EYS: variants seen among roughly 807,000 people sequenced by gnomAD.
The protein encoded by EYS is protein eyes shut homolog.
A neutral mutation model predicts 282.1 loss-of-function variants in EYS; 250 were observed. The ratio of observed to expected loss-of-function variants is 0.89; its 90% CI spans 0.80 to 0.98. The LOEUF (loss-of-function observed/expected upper bound fraction) is 0.98. EYS is among the 50% of genes least tolerant of loss of function. The pLI, the probability that EYS is intolerant of heterozygous loss-of-function variation, is 0.00. For synonymous variants in EYS, 1,355 were observed against 1,282.9 expected, an observed-to-expected ratio of 1.06 and a Z score of -1.20; for missense variants, 4,016 against 3,709.0, an observed-to-expected ratio of 1.08 and a Z score of -2.15.
At chr6:65,377,419 G>A (rs1423537840) in intron 8 of EYS, among the ~76,000 whole-genome samples, 1 of 152,068 alleles carries the variant, frequency 6.6e-6, no homozygotes, top group Admixed American at 6.6e-5. Context: ...ACATCAGAAA[G>A]CAGGAAAGAT....
intron 26 of EYS, among the ~76,000 whole-genome samples, chr6:64,572,033 G>C (rs1206709304): frequency 6.6e-6 from 1 of 151,922 alleles, no homozygotes; most frequent in Non-Finnish European, 1.5e-5. Flanking sequence ...AAATCCTCAA[G>C]AAAATACCGG....
chr6:64,100,322 C>A (rs565645255), intron 31 of EYS, among the ~76,000 whole-genome samples: 2 of 152,164 alleles, frequency 1.3e-5, no homozygotes, highest in African/African-American at 4.8e-5. Context: ...TTTAAAATTT[C>A]AATGATGATA....
intron 19 of EYS, among the ~76,000 whole-genome samples, chr6:64,879,952 C>T (rs1486844655): frequency 6.6e-6 from 1 of 151,988 alleles, no homozygotes; most frequent in African/African-American, 2.4e-5. Context: ...GAAGTTGCTT[C>T]TGGAAGCAGG....
intron 10 of EYS, among the ~76,000 whole-genome samples, chr6:65,337,103 A>C (rs9351489): frequency 0.58 from 87,424 of 151,232 alleles, 27,884 homozygotes; most frequent in East Asian, 0.9. Context: ...TGATATCTAA[A>C]TAGATGAATG....
At chr6:65,052,355 C>G (rs1773297315) in intron 13 of EYS, among the ~76,000 whole-genome samples, 1 of 151,290 alleles carries the variant, frequency 6.6e-6, no homozygotes, top group South Asian at 2.1e-4. Flanking sequence ...ACTTTACACT[C>G]AAAACATAAA....
At chr6:65,262,315 A>G (rs1012610976) in intron 12 of EYS, among the ~76,000 whole-genome samples, 2 of 152,170 alleles carry the variant, frequency 1.3e-5, no homozygotes, top group African/African-American at 4.8e-5. Flanking sequence ...CTAAGCACAT[A>G]CTTAATCAAA....
At chr6:64,980,437 AATAT>A (rs1421980872) in intron 14 of EYS, among the ~76,000 whole-genome samples, 1 of 151,418 alleles carries the variant, frequency 6.6e-6, no homozygotes, top group Admixed American at 6.6e-5. Context: ...TGCCACAATA[AATAT>A]ATATGTCTTT....
Position 63,864,170 on chromosome 6 carries a change from A to G in EYS, c.7228+16T>C, listed in dbSNP as rs1485552797. Reference sequence around the variant, plus strand: ...TTTCTGTCTGTGCTCCATGTTTAATAATCAAATGCTCTTACCATCAGTGCA... The same window carrying G: ...TTTCTGTCTGTGCTCCATGTTTAATGATCAAATGCTCTTACCATCAGTGCA... On this transcript the variant is annotated intron_variant, in intron 36 of 42. Transcript: ENST00000503581. 7 of 1,447,646 alleles carry G rather than the reference A, an allele frequency of 4.8e-6. No homozygotes were observed. The highest frequency in any genetic ancestry group is 6.4e-6 in the Non-Finnish European group (7 of 1,094,114). 89.7% of individuals were successfully genotyped at this position (1,447,646 alleles called of 1,614,324 possible).
intron 5 of EYS, among the ~76,000 whole-genome samples, chr6:65,416,979 T>A (rs552338526): frequency 6.6e-6 from 1 of 151,988 alleles, no homozygotes; most frequent in South Asian, 2.1e-4. Flanking sequence ...TTTTTAAGAG[T>A]TTGCCAAGAC....
intron 2 of EYS, among the ~76,000 whole-genome samples, chr6:65,603,411 T>C (rs1029383564): frequency 6.6e-6 from 1 of 151,996 alleles, no homozygotes; most frequent in African/African-American, 2.4e-5. Context: ...GTAAGGTGTA[T>C]GAGGTCCTAA....
At chr6:63,930,711 C>T (rs1323851097) in intron 35 of EYS, among the ~76,000 whole-genome samples, 1 of 152,086 alleles carries the variant, frequency 6.6e-6, no homozygotes, top group Non-Finnish European at 1.5e-5. Context: ...TTTTCTTCTC[C>T]ATTGAAATGG....
intron 35 of EYS, among the ~76,000 whole-genome samples, chr6:63,894,589 G>GTTTGT (rs1554185523): frequency 1.4e-5 from 2 of 147,782 alleles, no homozygotes; most frequent in Non-Finnish European, 3.0e-5. Flanking sequence ...TTGTTTGTTT[G>GTTTGT]TTTTTTTTTT....
intron 31 of EYS, among the ~76,000 whole-genome samples, chr6:64,090,665 T>C (rs1772325525): frequency 2.0e-5 from 3 of 152,060 alleles, no homozygotes; most frequent in African/African-American, 7.2e-5. Flanking sequence ...AAAACATGCC[T>C]CTAATTTTTG....
At chr6:64,302,370 C>A (rs995500204) in intron 30 of EYS, among the ~76,000 whole-genome samples, 6 of 152,190 alleles carry the variant, frequency 3.9e-5, no homozygotes, top group African/African-American at 1.4e-4. Context: ...TCAGTTATGG[C>A]AAACAGATGT....
intron 14 of EYS, among the ~76,000 whole-genome samples, chr6:64,982,137 A>C (rs1241938693): frequency 6.6e-6 from 1 of 151,376 alleles, no homozygotes; most frequent in African/African-American, 2.4e-5. Flanking sequence ...ATGATTCAGT[A>C]AGCACAATCA....
chr6:64,475,832 G>T (rs1395398958), intron 26 of EYS, among the ~76,000 whole-genome samples: 1 of 152,166 alleles, frequency 6.6e-6, no homozygotes. Context: ...TTGCCCAGGG[G>T]CTGGAGTGCA....
chr6:65,102,127 A>T (rs1774912046), intron 12 of EYS, among the ~76,000 whole-genome samples: 1 of 151,422 alleles, frequency 6.6e-6, no homozygotes, highest in South Asian at 2.1e-4. Context: ...GAGGCATAGA[A>T]AAAACTATCT....
chr6:64,905,895 C>T (rs1032005662), intron 16 of EYS, among the ~76,000 whole-genome samples: 2 of 151,916 alleles, frequency 1.3e-5, no homozygotes, highest in African/African-American at 4.8e-5. Flanking sequence ...TATACCATAG[C>T]ATGAATTCAC....
At chr6:64,243,209 C>A (rs796513477) in intron 30 of EYS, among the ~76,000 whole-genome samples, 1 of 151,966 alleles carries the variant, frequency 6.6e-6, no homozygotes, top group South Asian at 2.1e-4. Context: ...GGCAATCACT[C>A]TCTGTGTTAC....
Sources: gnomAD v4.1 joint callset for allele counts (sites outside exome capture counted in the v4.1 genomes callset) on GRCh38, gnomAD v4.1.1 for gene constraint, MANE v1.5 for transcripts, NCBI Gene and HGNC (gene_info 2026-07-23, HGNC 2026-07-21) for gene names.